SCP2: variants seen among roughly 807,000 people sequenced by gnomAD.
SCP2 encodes sterol carrier protein 2, also known as SCP-2/3-oxoacyl-CoA thiolase.
In SCP2, 48 loss-of-function variants were observed where a neutral mutation model predicts 71.4. The observed-to-expected ratio is 0.67, with a 90% CI of 0.53 to 0.86. The LOEUF is 0.86. Ranked by LOEUF, SCP2 falls within the 40% of genes least tolerant of loss-of-function variation. SCP2 has a pLI of 0.00. For missense variants in SCP2, 560 were observed against 655.6 expected, an observed-to-expected ratio of 0.85 and a Z score of 1.59; for synonymous variants, 220 against 218.1, an observed-to-expected ratio of 1.01 and a Z score of -0.08.
intron 11 of SCP2, among the ~76,000 whole-genome samples, chr1:53,007,699 A>G (rs1397361391): frequency 6.6e-6 from 1 of 152,186 alleles, no homozygotes; most frequent in Non-Finnish European, 1.5e-5. Flanking sequence ...TTGACACCCT[A>G]ACATCACAAT....
rs544954311 is a variant in SCP2 at position 52,941,949 on chromosome 1, G to A, written c.127+96G>A. 3.5e-6 allele frequency: 3 copies of A among 866,534 alleles called. No homozygotes were observed. The African/African-American group carries it at 5.0e-5, about 15-fold the overall frequency. 53.7% of individuals were successfully genotyped at this position (866,534 alleles called of 1,614,324 possible). On this transcript the variant is annotated intron_variant, in intron 2 of 15. Transcript: ENST00000371514. ...GGCAGCCTTGCAAGCACAAAAGGAAGCCCAGTCAAGGGAGAAGAACCCGTA... is the reference window on the plus strand; with the variant it reads ...GGCAGCCTTGCAAGCACAAAAGGAAACCCAGTCAAGGGAGAAGAACCCGTA...
chr1:52,946,152 G>A (rs1286856433), intron 2 of SCP2, among the ~76,000 whole-genome samples: 1 of 151,632 alleles, frequency 6.6e-6, no homozygotes, highest in Admixed American at 6.6e-5. Flanking sequence ...TGGTCTTGAG[G>A]TCCTGGGCTC....
intron 13 of SCP2, among the ~76,000 whole-genome samples, chr1:53,032,171 C>T (rs537304097): frequency 1.3e-5 from 2 of 152,182 alleles, no homozygotes; most frequent in Non-Finnish European, 1.5e-5. Context: ...CTGCTGTCAT[C>T]GGCTAAAGTT....
At chr1:53,027,730 C>T (rs1662233275) in intron 12 of SCP2, among the ~76,000 whole-genome samples, 1 of 152,156 alleles carries the variant, frequency 6.6e-6, no homozygotes, top group East Asian at 1.9e-4. Flanking sequence ...GTCTCGAACT[C>T]CCGACTACAG....
At chr1:52,983,214 G>A (rs922311997) in intron 10 of SCP2, among the ~76,000 whole-genome samples, 2 of 152,132 alleles carry the variant, frequency 1.3e-5, no homozygotes, top group Non-Finnish European at 2.9e-5. Context: ...TCAAATTGTT[G>A]TTTCTCTGTA....
At chr1:52,975,087 C>T (rs1392352483) in intron 7 of SCP2, among the ~76,000 whole-genome samples, 1 of 152,034 alleles carries the variant, frequency 6.6e-6, no homozygotes, top group Non-Finnish European at 1.5e-5. Context: ...CTCGCTGTGT[C>T]ATCCAGGCTG....
intron 5 of SCP2, among the ~76,000 whole-genome samples, chr1:52,957,442 T>C (rs1403955332): frequency 2.6e-5 from 4 of 152,258 alleles, no homozygotes; most frequent in Non-Finnish European, 5.9e-5. Context: ...AATTTTTTTT[T>C]CCAAAATAAA....
intron 1 of SCP2, among the ~76,000 whole-genome samples, chr1:52,929,616 T>A (rs1265726987): frequency 6.6e-6 from 1 of 151,868 alleles, no homozygotes; most frequent in Non-Finnish European, 1.5e-5. Context: ...AGCTACTTTT[T>A]GTATTTTTAT....
intron 12 of SCP2, 82 bp from the exon 13 acceptor site, chr1:53,027,887 T>A (rs1438336548): frequency 7.7e-6 from 6 of 779,356 alleles, no homozygotes; most frequent in Non-Finnish European, 1.3e-5. Context: ...TTTTTGAAAA[T>A]TTTGAAAATT....
Position 52,961,505 on chromosome 1 carries a change from T to G in SCP2, c.399T>G (p.Phe133Leu), listed in dbSNP as rs1027976914. 8.7e-6 allele frequency: 14 copies of G among 1,613,820 alleles called. No individual in the cohort carries two copies. The highest frequency in any genetic ancestry group is 1.1e-5 in the Non-Finnish European group (13 of 1,179,820). The part of the protein sequence containing the change: ...KMSKGSLGIK[F>L]SDRTIPTDKH... ...GAAATTTTGTTCCCCCCTCTTAGTTTTCAGATAGAACCATTCCCACTGATA... is the reference window on the plus strand; with the variant it reads ...GAAATTTTGTTCCCCCCTCTTAGTTGTCAGATAGAACCATTCCCACTGATA... The change falls in exon 6 of 16, where the codon TTT becomes TTG. Residue 133 changes from phenylalanine to leucine, a missense_variant and splice_region_variant. Around this residue, in one of 3 missense-constraint regions of SCP2, gnomAD observed 513 missense variants for 573.1 expected, o/e 0.90. Coordinates refer to ENST00000371514, the MANE Select transcript of SCP2 (RefSeq NM_002979.5).
chr1:52,927,549 C>A, intron 1 of SCP2, 84 bp downstream of exon 1: 3 of 1,016,214 alleles, frequency 3.0e-6, no homozygotes, highest in Non-Finnish European at 4.5e-6. Context: ...GGTCTCCTAG[C>A]TTCGACTGCT....
intron 14 of SCP2, among the ~76,000 whole-genome samples, chr1:53,044,283 C>G (rs532143825): frequency 6.6e-6 from 1 of 152,288 alleles, no homozygotes; most frequent in South Asian, 2.1e-4. Context: ...GTCTTGAACT[C>G]CTGACCTCAG....
chr1:53,006,762 T>C (rs1660664248), intron 11 of SCP2, among the ~76,000 whole-genome samples: 2 of 151,956 alleles, frequency 1.3e-5, no homozygotes, highest in South Asian at 4.1e-4. Flanking sequence ...ATGACCAGGA[T>C]CAAATTCACA....
intron 1 of SCP2, among the ~76,000 whole-genome samples, chr1:52,928,295 C>G (rs1224154787): frequency 6.6e-6 from 1 of 152,220 alleles, no homozygotes; most frequent in Non-Finnish European, 1.5e-5. Flanking sequence ...AGACTGGGTA[C>G]CTGGCTTATT....
At chr1:53,035,029 T>G (rs1662822757) in intron 13 of SCP2, among the ~76,000 whole-genome samples, 2 of 151,528 alleles carry the variant, frequency 1.3e-5, no homozygotes. Flanking sequence ...GGCATGAACC[T>G]GGGAGGCGGA....
intron 5 of SCP2, among the ~76,000 whole-genome samples, chr1:52,957,241 T>C (rs1197096486): frequency 2.0e-5 from 3 of 152,178 alleles, no homozygotes; most frequent in Non-Finnish European, 4.4e-5. Context: ...TTCTGTCTAT[T>C]TAATCTTGTC....
chr1:52,940,856 T>G (rs1314519259), intron 1 of SCP2, among the ~76,000 whole-genome samples: 1 of 149,902 alleles, frequency 6.7e-6, no homozygotes, highest in African/African-American at 2.5e-5. Flanking sequence ...TTCAAGTGAT[T>G]CTTCTGCCTC....
intron 13 of SCP2, among the ~76,000 whole-genome samples, chr1:53,031,303 T>G (rs865972672): frequency 6.6e-6 from 1 of 152,232 alleles, no homozygotes; most frequent in Non-Finnish European, 1.5e-5. Context: ...TGCTCCATTT[T>G]AATTCTTTTC....
At chr1:53,021,677 C>T (rs747081442) in intron 12 of SCP2, among the ~76,000 whole-genome samples, 123 of 141,616 alleles carry the variant, frequency 8.7e-4, no homozygotes, top group Non-Finnish European at 1.4e-3. Context: ...CAGAGTCTTG[C>T]CTTGTCACCC....
Sources: allele counts gnomAD v4.1 joint callset (sites outside exome capture counted in the v4.1 genomes callset), GRCh38; gene constraint gnomAD v4.1.1; regional missense constraint gnomAD v4.1.1; transcripts MANE v1.5; gene names NCBI Gene and HGNC (gene_info 2026-07-23, HGNC 2026-07-21).